ZFYVE9: variants seen among roughly 807,000 people sequenced by gnomAD.
ZFYVE9 encodes zinc finger FYVE domain-containing protein 9.
A neutral mutation model predicts 126.7 loss-of-function variants in ZFYVE9; 43 were observed. The ratio of observed to expected loss-of-function variants is 0.34; its 90% CI spans 0.27 to 0.44. ZFYVE9 has a LOEUF of 0.44. ZFYVE9 is among the 20% of genes least tolerant of loss of function. The pLI is 1.00. For missense variants in ZFYVE9, 1,476 were observed against 1,697.0 expected (o/e 0.87, Z 2.29); for synonymous variants, 521 against 597.4 (o/e 0.87, Z 1.87).
At chr1:52,317,447 A>C (rs1474220796) in intron 13 of ZFYVE9, among the ~76,000 whole-genome samples, 1 of 150,568 alleles carries the variant, frequency 6.6e-6, no homozygotes, top group African/African-American at 2.5e-5. Flanking sequence ...ACGCCATTGC[A>C]CTCCAGCCTG....
chr1:52,194,802 A>G (rs1184230265), intron 1 of ZFYVE9, among the ~76,000 whole-genome samples: 1 of 152,174 alleles, frequency 6.6e-6, no homozygotes, highest in African/African-American at 2.4e-5. Flanking sequence ...GCATAAAAAC[A>G]TGGAAGCAAT....
intron 4 of ZFYVE9, among the ~76,000 whole-genome samples, chr1:52,257,560 T>C (rs999862671): frequency 1.3e-5 from 2 of 152,242 alleles, no homozygotes; most frequent in Non-Finnish European, 2.9e-5. Flanking sequence ...TGATGTCAGC[T>C]GTAACCATTA....
At chr1:52,273,224 C>T (rs983312009) in intron 7 of ZFYVE9, among the ~76,000 whole-genome samples, 4 of 150,944 alleles carry the variant, frequency 2.6e-5, no homozygotes, top group African/African-American at 9.7e-5. Flanking sequence ...CCAGGCTGGT[C>T]TCAAACTCCT....
At chr1:52,319,557 G>A (rs972624329) in intron 13 of ZFYVE9, among the ~76,000 whole-genome samples, 2 of 151,754 alleles carry the variant, frequency 1.3e-5, no homozygotes, top group African/African-American at 2.4e-5. Flanking sequence ...ACGGGAGGTG[G>A]AGGTTACAGT....
chr1:52,333,032 T>A, intron 14 of ZFYVE9, 114 bp downstream of exon 14: 2 of 1,337,584 alleles, frequency 1.5e-6, no homozygotes, highest in Non-Finnish European at 2.1e-6. Flanking sequence ...ACAAACAAAT[T>A]AATTAACCTT....
intron 4 of ZFYVE9, 130 bp downstream of exon 4, chr1:52,239,725 A>T: frequency 2.0e-6 from 2 of 1,025,054 alleles, no homozygotes; most frequent in East Asian, 5.5e-5. Context: ...TTGAAAACCC[A>T]GTTCTAGTAA....
At chr1:52,160,322 A>G in intron 1 of ZFYVE9, 2 of 1,097,490 alleles carry the variant, frequency 1.8e-6, no homozygotes, top group South Asian at 1.2e-5. Context: ...GGCTTTGTTG[A>G]TTTCCTCAAA....
intron 13 of ZFYVE9, among the ~76,000 whole-genome samples, chr1:52,323,895 C>CAA (rs35308713): frequency 0.017 from 2,172 of 126,004 alleles, 53 homozygotes; most frequent in African/African-American, 0.043. Context: ...CTACTAAATA[C>CAA]AAAAAAAAAA....
intron 1 of ZFYVE9, among the ~76,000 whole-genome samples, chr1:52,147,205 A>C (rs992755343): frequency 6.6e-6 from 1 of 152,308 alleles, no homozygotes; most frequent in African/African-American, 2.4e-5. Context: ...TCAACGCATA[A>C]AGTATTTTCT....
intron 1 of ZFYVE9, chr1:52,180,111 G>C (rs1557441214): frequency 2.1e-6 from 2 of 966,134 alleles, no homozygotes; most frequent in East Asian, 4.8e-5. Context: ...TAAATTTGAA[G>C]AAGTTTTGGA....
Position 52,202,510 on chromosome 1 carries a change from G to A in ZFYVE9, c.-142-13859G>A, listed in dbSNP as rs538777116. 2.4e-3 allele frequency among the ~76,000 whole-genome samples: 371 copies of A among 151,516 alleles called. 8 individuals carry two copies. Among genetic ancestry groups the A allele is most frequent in the African/African-American group, 8.7e-3 (359 of 41,174 alleles). On this transcript the variant is annotated intron_variant, in intron 1 of 18. Coordinates refer to ENST00000287727, the MANE Select transcript of ZFYVE9 (RefSeq NM_004799.4). ...TGGCCAGTCTGGTCTTGAACTCCTG[G>A]CCTCAAGTGATCCACCTGCCTCAGC... is the stretch of plus-strand genomic sequence containing the variant.
chr1:52,320,036 AAAAG>A (rs1216317841), intron 13 of ZFYVE9, among the ~76,000 whole-genome samples: 30 of 148,978 alleles, frequency 2.0e-4, no homozygotes, highest in Non-Finnish European at 3.6e-4. Flanking sequence ...AAAAAAGAGA[AAAAG>A]AAAATAATTC....
chr1:52,158,577 C>A (rs867785302), intron 1 of ZFYVE9, among the ~76,000 whole-genome samples: 1 of 152,144 alleles, frequency 6.6e-6, no homozygotes, highest in Admixed American at 6.5e-5. Flanking sequence ...CTGACCTTGG[C>A]GTAACAAACC....
intron 1 of ZFYVE9, among the ~76,000 whole-genome samples, chr1:52,160,022 T>C (rs1644441485): frequency 6.6e-6 from 1 of 152,056 alleles, no homozygotes; most frequent in Admixed American, 6.5e-5. Flanking sequence ...ATTACTTTTA[T>C]GTTAAAATAT....
intron 2 of ZFYVE9, among the ~76,000 whole-genome samples, chr1:52,226,970 CT>C (rs1480879327): frequency 6.6e-6 from 1 of 152,220 alleles, no homozygotes; most frequent in East Asian, 1.9e-4. Context: ...CCCAGCTTGA[CT>C]TTTCCCTTTA....
intron 13 of ZFYVE9, among the ~76,000 whole-genome samples, chr1:52,323,116 A>AT (rs1646257400): frequency 6.6e-6 from 1 of 152,006 alleles, no homozygotes; most frequent in Non-Finnish European, 1.5e-5. Flanking sequence ...CTGTGACCTC[A>AT]TTTTTTATAA....
intron 2 of ZFYVE9, among the ~76,000 whole-genome samples, chr1:52,225,036 G>A (rs935255722): frequency 6.6e-6 from 1 of 152,120 alleles, no homozygotes. Context: ...ACAGAACCGA[G>A]TCCGGACTCC....
intron 2 of ZFYVE9, among the ~76,000 whole-genome samples, chr1:52,218,998 C>T (rs1645098204): frequency 6.6e-6 from 1 of 152,056 alleles, no homozygotes; most frequent in African/African-American, 2.4e-5. Context: ...GGGGTGGTTC[C>T]TTTGGTGAAG....
Position 52,239,198 on chromosome 1 carries a change from C to T in ZFYVE9, c.1781C>T (p.Pro594Leu). The T allele has an allele frequency of 6.2e-7, 1 of 1,614,124 alleles. No homozygotes were observed. Among genetic ancestry groups the T allele is most frequent in the Non-Finnish European group, 8.5e-7 (1 of 1,180,014 alleles). Residue 594 changes from proline (P) to leucine (L), a missense_variant, in exon 4 of 19, where the codon CCA (proline) becomes CTA (leucine). By Grantham distance (98) the Pro-to-Leu change is moderately conservative. Coordinates refer to ENST00000287727, the MANE Select transcript of ZFYVE9 (RefSeq NM_004799.4). ...AATCTTAAACTTCAAATTCCAAAGC[C>T]ATTATCAGACCATTTACAAAATGAC... The part of the protein sequence containing the change: ...PSNLKLQIPK[P>L]LSDHLQNDFP...
Sources: gnomAD v4.1 joint callset for allele counts (sites outside exome capture counted in the v4.1 genomes callset) on GRCh38, gnomAD v4.1.1 for gene constraint, MANE v1.5 for transcripts, NCBI Gene and HGNC (gene_info 2026-07-23, HGNC 2026-07-21) for gene names.